ZFYVE28: variants seen among roughly 807,000 people sequenced by gnomAD.
ZFYVE28 encodes the protein lateral signaling target protein 2 homolog.
In ZFYVE28, 40 loss-of-function variants were observed where a neutral mutation model predicts 82.1. The observed-to-expected ratio is 0.49, with a 90% CI of 0.38 to 0.63. ZFYVE28 has a LOEUF of 0.63. ZFYVE28 is among the 30% of genes least tolerant of loss of function. ZFYVE28 has a pLI of 0.00. For synonymous variants in ZFYVE28, 612 were observed against 546.1 expected, an observed-to-expected ratio of 1.12 and a Z score of -1.68; for missense variants, 1,321 against 1,242.1, an observed-to-expected ratio of 1.06 and a Z score of -0.96.
chr4:2,289,034 A>G (rs887265866), intron 8 of ZFYVE28, among the ~76,000 whole-genome samples: 2 of 152,180 alleles, frequency 1.3e-5, no homozygotes, highest in African/African-American at 4.8e-5. Flanking sequence ...CTGTAATCCC[A>G]ACACTTTGGG....
chr4:2,400,754 G>T (rs376057221), intron 1 of ZFYVE28, among the ~76,000 whole-genome samples: 1 of 152,092 alleles, frequency 6.6e-6, no homozygotes, highest in African/African-American at 2.4e-5. Flanking sequence ...GCCCTTTCAC[G>T]TTCTTCTGCC....
chr4:2,288,110 C>G (rs1005778609), intron 8 of ZFYVE28, among the ~76,000 whole-genome samples: 1 of 152,134 alleles, frequency 6.6e-6, no homozygotes, highest in Non-Finnish European at 1.5e-5. Context: ...AACACCCCCA[C>G]GACAGCAAGG....
At chr4:2,340,542 C>G (rs1403677814) in intron 3 of ZFYVE28, among the ~76,000 whole-genome samples, 10 of 152,216 alleles carry the variant, frequency 6.6e-5, no homozygotes, top group Non-Finnish European at 1.3e-4. Context: ...CGGCGCTGAT[C>G]GCCCAGGCCC....
chr4:2,270,875 A>G lies in ZFYVE28; in HGVS notation c.2533-19T>C. 1 of 1,611,526 alleles carries G rather than the reference A, an allele frequency of 6.2e-7. No homozygotes were observed. Among genetic ancestry groups the G allele is most frequent in the Non-Finnish European group, 8.5e-7 (1 of 1,179,528 alleles). On this transcript the variant is annotated intron_variant, in intron 12 of 12. Coordinates refer to ENST00000290974, the MANE Select transcript of ZFYVE28 (RefSeq NM_020972.3). ...AGAAGATCTGGAATGGGGTTGGGGC[A>G]GTGAGGGTCTGCGGCAGACCAGCCC...
intron 2 of ZFYVE28, among the ~76,000 whole-genome samples, chr4:2,346,852 A>AG: frequency 6.6e-6 from 1 of 152,184 alleles, no homozygotes; most frequent in Non-Finnish European, 1.5e-5. Context: ...ATAAAAAAGA[A>AG]GGAAAAAAAG....
At chr4:2,276,668 G>A (rs1258198008) in intron 8 of ZFYVE28, among the ~76,000 whole-genome samples, 1 of 152,176 alleles carries the variant, frequency 6.6e-6, no homozygotes, top group Non-Finnish European at 1.5e-5. Context: ...AGCCACGGAT[G>A]AATGTTGGCA....
At chr4:2,357,185 C>T (rs1280221076) in intron 1 of ZFYVE28, among the ~76,000 whole-genome samples, 3 of 152,234 alleles carry the variant, frequency 2.0e-5, no homozygotes, top group Non-Finnish European at 2.9e-5. Flanking sequence ...GCGTGAGCCA[C>T]CGCACCCAGC....
At chr4:2,396,925 T>C (rs1730536419) in intron 1 of ZFYVE28, among the ~76,000 whole-genome samples, 1 of 152,066 alleles carries the variant, frequency 6.6e-6, no homozygotes, top group Non-Finnish European at 1.5e-5. Context: ...ATGACCCGAA[T>C]TGAATTGTGT....
At chr4:2,399,079 C>CGAGGAG (rs1560338804) in intron 1 of ZFYVE28, among the ~76,000 whole-genome samples, 1 of 73,260 alleles carries the variant, frequency 1.4e-5, no homozygotes, top group South Asian at 4.9e-4. Context: ...AGGGCACAAG[C>CGAGGAG]GTGAAGGTGA....
intron 2 of ZFYVE28, among the ~76,000 whole-genome samples, chr4:2,343,677 G>C (rs1421747640): frequency 3.3e-5 from 5 of 152,172 alleles, no homozygotes; most frequent in Non-Finnish European, 7.3e-5. Flanking sequence ...GCTCAGCCAG[G>C]TGGCACAGCT....
At chr4:2,368,224 A>ACAAAG (rs1266285425) in intron 1 of ZFYVE28, among the ~76,000 whole-genome samples, 5 of 150,956 alleles carry the variant, frequency 3.3e-5, no homozygotes, top group African/African-American at 1.2e-4. Context: ...AAAAAAAAAA[A>ACAAAG]AAAAAACACT....
At chr4:2,291,380 G>A (rs1713669565) in intron 8 of ZFYVE28, among the ~76,000 whole-genome samples, 1 of 152,152 alleles carries the variant, frequency 6.6e-6, no homozygotes, top group Non-Finnish European at 1.5e-5. Context: ...GGGAGCAAGT[G>A]GCTGGCACCT....
At position 2,304,145 on chromosome 4, in the gene ZFYVE28, G is replaced by T; in HGVS notation, c.2051+144C>A. ...CTGCCCCTGCCCCTCCTCACACACA[G>T]ACCCCACACTCGGCCAGGGCCCAGC... On this transcript the variant is annotated intron_variant, in intron 8 of 12. Transcript: ENST00000290974. 1.9e-6 allele frequency: 2 copies of T among 1,075,782 alleles called. 1 individual carries two copies. Among genetic ancestry groups the T allele is most frequent in the South Asian group, 3.7e-5 (2 of 54,532 alleles). 66.6% of individuals were successfully genotyped at this position (1,075,782 alleles called of 1,614,324 possible). A position where few individuals can be genotyped will look rare whatever the true frequency, so the allele number is the denominator to read the frequency against.
intron 1 of ZFYVE28, among the ~76,000 whole-genome samples, chr4:2,410,454 C>CTTTT (rs11358765): frequency 5.9e-5 from 7 of 119,332 alleles, no homozygotes; most frequent in East Asian, 4.8e-4. Context: ...TCCTCCCTTT[C>CTTTT]TTTTTTTTTT....
At chr4:2,306,189 T>A (rs1716543570) in intron 7 of ZFYVE28, among the ~76,000 whole-genome samples, 1 of 152,232 alleles carries the variant, frequency 6.6e-6, no homozygotes, top group African/African-American at 2.4e-5. Flanking sequence ...AAGGTGCAGT[T>A]AATTCAGTGA....
Position 2,404,756 on chromosome 4 carries a change from G to C in ZFYVE28, c.39+13529C>G, listed in dbSNP as rs142763632. Among the ~76,000 whole-genome samples the C allele has an allele frequency of 1.6e-3, 243 of 152,088 alleles. 1 individual carries two copies. The highest frequency in any genetic ancestry group is 5.2e-3 in the African/African-American group (216 of 41,490). On this transcript the variant is annotated intron_variant, in intron 1 of 12. Transcript: ENST00000290974. The stretch of plus-strand genomic sequence containing the variant: ...TGGAAAAGCTTTGAAATCAGAGAGA[G>C]CCAATGGCTGCACCACATTGCGAAT...
intron 2 of ZFYVE28, among the ~76,000 whole-genome samples, chr4:2,351,831 T>C (rs576463306): frequency 6.6e-6 from 1 of 152,302 alleles, no homozygotes; most frequent in Admixed American, 6.5e-5. Context: ...CCTTCTGGGG[T>C]TGGATTAATT....
chr4:2,348,846 A>G (rs1723948995), intron 2 of ZFYVE28, among the ~76,000 whole-genome samples: 2 of 152,048 alleles, frequency 1.3e-5, no homozygotes, highest in African/African-American at 4.8e-5. Context: ...TCTTTGTAGC[A>G]TATTTGTGAT....
rs970420508 is a variant in ZFYVE28, at chr4:2,418,053, G to A, written c.39+232C>T. Among the ~76,000 whole-genome samples the A allele has an allele frequency of 4.6e-5, 7 of 152,054 alleles. No homozygotes were observed. The highest frequency in any genetic ancestry group is 1.0e-4 in the Non-Finnish European group (7 of 67,980). On this transcript the variant is annotated intron_variant, in intron 1 of 12. Transcript: ENST00000290974. This position sits in a 1 kb window ranked among gnomAD's most constrained non-coding sequence, Gnocchi z 4.6. ...CCCGGCCCGAGAGGAGGAGCAGGAGGGTCAGTCCTGGACCCGGGCTTAGGA... is the reference window on the plus strand; with the variant it reads ...CCCGGCCCGAGAGGAGGAGCAGGAGAGTCAGTCCTGGACCCGGGCTTAGGA...
Sources: gnomAD v4.1 joint callset for allele counts (sites outside exome capture counted in the v4.1 genomes callset) on GRCh38, gnomAD v4.1.1 for gene constraint, Gnocchi (gnomAD v3.1) non-coding constraint, MANE v1.5 for transcripts, NCBI Gene and HGNC (gene_info 2026-07-23, HGNC 2026-07-21) for gene names.